SDK1: variants seen among roughly 807,000 people sequenced by gnomAD.
The protein encoded by SDK1 is sidekick cell adhesion molecule 1.
A neutral mutation model predicts 245.5 loss-of-function variants in SDK1; 157 were observed. That is an observed-to-expected ratio of 0.64 (90% CI 0.56 to 0.73). The LOEUF is 0.73. Among genes scored for constraint, SDK1 ranks in the 30% least tolerant of loss-of-function variants. The pLI is 0.00. For missense variants in SDK1, 3,583 were observed against 3,002.3 expected, an observed-to-expected ratio of 1.19 and a Z score of -4.52; for synonymous variants, 1,647 against 1,278.5, an observed-to-expected ratio of 1.29 and a Z score of -6.15.
intron 1 of SDK1, among the ~76,000 whole-genome samples, chr7:3,418,145 GAAAAAAAAA>G (rs200914826): frequency 0.069 from 8,200 of 119,706 alleles, 327 homozygotes; most frequent in Middle Eastern, 0.14. Flanking sequence ...TACTAAAAAT[GAAAAAAAAA>G]AAAAAAAAAA....
At chr7:3,627,798 C>A (rs945950782) in intron 2 of SDK1, among the ~76,000 whole-genome samples, 1 of 152,110 alleles carries the variant, frequency 6.6e-6, no homozygotes, top group Admixed American at 6.5e-5. Context: ...TCGATGAGTG[C>A]CTTATCTGAA....
chr7:4,005,485 A>C (rs1785413069), intron 14 of SDK1, among the ~76,000 whole-genome samples: 1 of 150,794 alleles, frequency 6.6e-6, no homozygotes, highest in Non-Finnish European at 1.5e-5. Flanking sequence ...TCACCCAAGG[A>C]GGCACATGAC....
At chr7:3,778,479 C>G (rs952665184) in intron 4 of SDK1, among the ~76,000 whole-genome samples, 7 of 152,216 alleles carry the variant, frequency 4.6e-5, no homozygotes, top group Non-Finnish European at 1.0e-4. Flanking sequence ...CTTTTTACAT[C>G]TGGCAAATAG....
At chr7:3,882,077 C>A (rs960411056) in intron 5 of SDK1, among the ~76,000 whole-genome samples, 5 of 152,100 alleles carry the variant, frequency 3.3e-5, no homozygotes, top group African/African-American at 1.2e-4. Flanking sequence ...TGGTGGCAGA[C>A]AAGAGAGAAA....
Position 3,905,219 on chromosome 7 carries a change from A to G in SDK1, c.848-45704A>G, listed in dbSNP as rs143235575. Among the ~76,000 whole-genome samples the G allele has an allele frequency of 2.9e-3, 435 of 152,074 alleles. 2 individuals are homozygous for G. Among genetic ancestry groups the G allele is most frequent in the Non-Finnish European group, 4.9e-3 (330 of 67,978 alleles). ...TAAATAGCTACTACGTGTTTGTTAT[A>G]CCACGGTTTATTCTGTCAGTCTCCT... On this transcript the variant is annotated intron_variant, in intron 5 of 44. Transcript: ENST00000404826.
At chr7:3,504,639 C>T (rs962569617) in intron 1 of SDK1, among the ~76,000 whole-genome samples, 5 of 152,140 alleles carry the variant, frequency 3.3e-5, no homozygotes, top group Admixed American at 3.3e-4. Context: ...CCCTACCTCA[C>T]AGCATATGCA....
intron 1 of SDK1, among the ~76,000 whole-genome samples, chr7:3,451,089 A>G (rs150842480): frequency 6.6e-6 from 1 of 152,248 alleles, no homozygotes; most frequent in East Asian, 1.9e-4. Context: ...AGAGGAGTTT[A>G]TAGGTTGGCT....
intron 1 of SDK1, among the ~76,000 whole-genome samples, chr7:3,452,137 A>T (rs1188816033): frequency 6.6e-6 from 1 of 152,154 alleles, no homozygotes; most frequent in Non-Finnish European, 1.5e-5. Context: ...AGTTATGAGC[A>T]TTTTTGTTTA....
At position 4,012,203 on chromosome 7, in the gene SDK1, G is replaced by A; in HGVS notation, c.2388G>A (p.Glu796=). The change falls in exon 16 of 45, where the codon GAG becomes GAA. Residue 796 remains glutamate, a synonymous_variant. Transcript: ENST00000404826. The part of the protein sequence containing the change: ...MVQWQPPPET[E]HNGVLRGYIL... ...AGTGGCAGCCACCCCCAGAAACAGA[G>A]CACAACGGGGTGTTGCGTGGATACA... 6.4e-7 allele frequency: 1 copy of A among 1,559,946 alleles called. No individual in the cohort carries two copies. The highest frequency in any genetic ancestry group is 1.9e-5 in the Admixed American group (1 of 51,664).
At chr7:3,533,992 A>G (rs545715734) in intron 1 of SDK1, among the ~76,000 whole-genome samples, 3 of 152,330 alleles carry the variant, frequency 2.0e-5, no homozygotes, top group East Asian at 1.9e-4. Context: ...ACAATGCTGT[A>G]TAGCAGATCT....
chr7:4,148,849 A>G (rs1780160982), intron 29 of SDK1, among the ~76,000 whole-genome samples: 1 of 152,182 alleles, frequency 6.6e-6, no homozygotes, highest in Non-Finnish European at 1.5e-5. Context: ...CGAGGTCAAG[A>G]GATCAAGACC....
intron 40 of SDK1, among the ~76,000 whole-genome samples, chr7:4,231,672 C>T (rs914226531): frequency 3.3e-5 from 5 of 152,122 alleles, no homozygotes; most frequent in Non-Finnish European, 2.9e-5. Flanking sequence ...ACCTTTCTGC[C>T]GGTGGAGAGA....
At chr7:4,022,239 T>C (rs1786951105) in intron 17 of SDK1, among the ~76,000 whole-genome samples, 1 of 152,206 alleles carries the variant, frequency 6.6e-6, no homozygotes, top group South Asian at 2.1e-4. Flanking sequence ...TTCGACAGCA[T>C]GTCAGAGAGC....
rs1782567089 is a variant in SDK1 at position 4,180,894 on chromosome 7, G to A, written c.5098+2308G>A. Among the ~76,000 whole-genome samples, 3 of 152,082 alleles carry A rather than the reference G, an allele frequency of 2.0e-5. No individual in the cohort carries two copies. In the South Asian group the frequency reaches 6.2e-4, roughly 32 times the overall value. ...TCCCGCCAGGCCCCACCTGCACGTT[G>A]GGGATTATAGCTCAACATGAGACTT... On this transcript the variant is annotated intron_variant, in intron 35 of 44. Coordinates refer to ENST00000404826, the MANE Select transcript of SDK1 (RefSeq NM_152744.4).
chr7:3,717,860 A>G (rs1289631128), intron 4 of SDK1, among the ~76,000 whole-genome samples: 2 of 152,184 alleles, frequency 1.3e-5, no homozygotes, highest in Non-Finnish European at 2.9e-5. Flanking sequence ...AATCAGTTTT[A>G]CAGGGTTTTG....
chr7:3,703,272 C>G (rs1302254058), intron 4 of SDK1, among the ~76,000 whole-genome samples: 2 of 152,084 alleles, frequency 1.3e-5, no homozygotes, highest in Non-Finnish European at 2.9e-5. Context: ...TCATAGAACA[C>G]TACTCTGCAT....
At chr7:3,450,869 C>T (rs545373035) in intron 1 of SDK1, among the ~76,000 whole-genome samples, 1 of 152,136 alleles carries the variant, frequency 6.6e-6, no homozygotes, top group Admixed American at 6.5e-5. Flanking sequence ...CAAGAAGACA[C>T]TGAGAAGGAA....
chr7:3,594,604 A>G (rs953139845), intron 1 of SDK1, among the ~76,000 whole-genome samples: 1 of 152,062 alleles, frequency 6.6e-6, no homozygotes, highest in Admixed American at 6.5e-5. Context: ...AACACTTGTA[A>G]TTGTTTGTCT....
At chr7:3,789,140 T>A (rs2115021032) in intron 4 of SDK1, among the ~76,000 whole-genome samples, 1 of 152,236 alleles carries the variant, frequency 6.6e-6, no homozygotes, top group Admixed American at 6.5e-5. Flanking sequence ...GGGAAAGTAA[T>A]TCCACTTGTA....
Sources: allele counts gnomAD v4.1 joint callset (sites outside exome capture counted in the v4.1 genomes callset), GRCh38; gene constraint gnomAD v4.1.1; transcripts MANE v1.5; gene names NCBI Gene and HGNC (gene_info 2026-07-23, HGNC 2026-07-21).